MIPEP: variants seen among roughly 807,000 people sequenced by gnomAD.
MIPEP encodes the protein mitochondrial intermediate peptidase.
In MIPEP, 79 loss-of-function variants were observed where a neutral mutation model predicts 90.3. That is an observed-to-expected ratio of 0.87 (90% CI 0.73 to 1.05). MIPEP has a LOEUF of 1.05. Ranked by LOEUF, MIPEP falls within the 50% of genes least tolerant of loss-of-function variation. The pLI, the probability that MIPEP is intolerant of heterozygous loss-of-function variation, is 0.00. For missense variants in MIPEP, 940 were observed against 905.6 expected (o/e 1.04, Z -0.49); for synonymous variants, 334 against 315.8 (o/e 1.06, Z -0.61).
chr13:23,786,458 AAT>A (rs1221718570), intron 16 of MIPEP, among the ~76,000 whole-genome samples: 1 of 152,192 alleles, frequency 6.6e-6, no homozygotes, highest in Non-Finnish European at 1.5e-5. Context: ...AAACAACAAA[AAT>A]AAAATCTTTT....
At chr13:23,733,483 G>C (rs767456811) in intron 18 of MIPEP, among the ~76,000 whole-genome samples, 1 of 152,198 alleles carries the variant, frequency 6.6e-6, no homozygotes, top group Non-Finnish European at 1.5e-5. Context: ...AGGAGGAGCA[G>C]GGTGGTGTGG....
intron 4 of MIPEP, among the ~76,000 whole-genome samples, chr13:23,878,782 C>T (rs949362829): frequency 6.6e-6 from 1 of 152,172 alleles, no homozygotes; most frequent in Non-Finnish European, 1.5e-5. Flanking sequence ...GACATCCTCC[C>T]AGTAGATAAA....
intron 10 of MIPEP, among the ~76,000 whole-genome samples, chr13:23,845,884 A>G (rs1472090931): frequency 6.8e-6 from 1 of 147,688 alleles, no homozygotes; most frequent in Non-Finnish European, 1.5e-5. Context: ...TTTATAGTCT[A>G]TATTTTAGCT....
intron 16 of MIPEP, among the ~76,000 whole-genome samples, chr13:23,804,055 G>C (rs141385503): frequency 0.016 from 2,475 of 152,290 alleles, 63 homozygotes; most frequent in Admixed American, 0.066. Flanking sequence ...CACGGACTTA[G>C]CATCACCCTT....
chr13:23,834,252 A>T (rs1868917525), intron 14 of MIPEP, among the ~76,000 whole-genome samples: 2 of 152,146 alleles, frequency 1.3e-5, no homozygotes, highest in Admixed American at 6.5e-5. Flanking sequence ...TTCTTGAAGT[A>T]AAAATTTGAT....
chr13:23,762,715 G>A (rs1247460900), intron 16 of MIPEP, among the ~76,000 whole-genome samples: 1 of 152,188 alleles, frequency 6.6e-6, no homozygotes, highest in East Asian at 1.9e-4. Flanking sequence ...CTGGGCAGGG[G>A]CACTTGCACG....
chr13:23,866,761 TCA>T (rs1480564075), intron 7 of MIPEP, among the ~76,000 whole-genome samples: 19 of 152,168 alleles, frequency 1.2e-4, no homozygotes, highest in Admixed American at 1.2e-3. Flanking sequence ...TTTTAGAGGT[TCA>T]GACTTACATA....
intron 9 of MIPEP, among the ~76,000 whole-genome samples, chr13:23,860,790 CA>C (rs1440296765): frequency 8.5e-5 from 13 of 152,272 alleles, no homozygotes; most frequent in African/African-American, 2.9e-4. Context: ...GGAGCAAAAA[CA>C]AAAGGCTAGA....
chr13:23,826,935 A>G (rs1481257728), intron 14 of MIPEP, among the ~76,000 whole-genome samples: 4 of 152,244 alleles, frequency 2.6e-5, no homozygotes, highest in Admixed American at 6.5e-5. Context: ...TGTATCGAAC[A>G]TGTACAGACT....
chr13:23,789,722 C>A (rs1196673584), intron 16 of MIPEP, among the ~76,000 whole-genome samples: 1 of 152,188 alleles, frequency 6.6e-6, no homozygotes, highest in Non-Finnish European at 1.5e-5. Context: ...TTCTTGTTGA[C>A]CCTCAGTTTC....
At chr13:23,822,908 CAG>C (rs1953325047) in intron 14 of MIPEP, among the ~76,000 whole-genome samples, 1 of 150,338 alleles carries the variant, frequency 6.7e-6, no homozygotes, top group Non-Finnish European at 1.5e-5. Flanking sequence ...TTTTTTGAGA[CAG>C]AGTCTTGCTC....
intron 14 of MIPEP, among the ~76,000 whole-genome samples, chr13:23,834,122 G>A (rs961521771): frequency 6.6e-6 from 1 of 152,112 alleles, no homozygotes; most frequent in Non-Finnish European, 1.5e-5. Context: ...GAGAGGCCAC[G>A]CGCCCGGGAT....
intron 4 of MIPEP, among the ~76,000 whole-genome samples, chr13:23,877,171 A>C (rs1029597808): frequency 4.6e-5 from 7 of 152,212 alleles, no homozygotes; most frequent in Non-Finnish European, 8.8e-5. Flanking sequence ...TTTATTCTCT[A>C]TGACTTCAAA....
chr13:23,769,244 A>G (rs1195058705), intron 16 of MIPEP, among the ~76,000 whole-genome samples: 1 of 152,194 alleles, frequency 6.6e-6, no homozygotes, highest in African/African-American at 2.4e-5. Context: ...CCTCTGTAGG[A>G]ACAGGTACTG....
intron 14 of MIPEP, among the ~76,000 whole-genome samples, chr13:23,813,111 A>T (rs1953192854): frequency 6.6e-6 from 1 of 152,180 alleles, no homozygotes; most frequent in Non-Finnish European, 1.5e-5. Flanking sequence ...TTAAAACATA[A>T]CAAATTTGAA....
chr13:23,810,723 A>G (rs1234784911), intron 14 of MIPEP, among the ~76,000 whole-genome samples: 2 of 152,238 alleles, frequency 1.3e-5, no homozygotes, highest in Non-Finnish European at 2.9e-5. Flanking sequence ...CGTATAAATT[A>G]ACCACCTGTG....
intron 16 of MIPEP, among the ~76,000 whole-genome samples, chr13:23,795,299 C>A (rs1256220076): frequency 2.6e-5 from 4 of 152,120 alleles, no homozygotes; most frequent in African/African-American, 4.8e-5. Context: ...TTTAACCCGC[C>A]TGGGGCTCCA....
chr13:23,756,481 A>T, intron 18 of MIPEP, 64 bp downstream of exon 18: 1 of 1,530,404 alleles, frequency 6.5e-7, no homozygotes, highest in Non-Finnish European at 9.0e-7. Context: ...TAAATGAAAA[A>T]AACATATGGA....
At chr13:23,733,930 A>C (rs1300924652) in intron 18 of MIPEP, among the ~76,000 whole-genome samples, 1 of 152,246 alleles carries the variant, frequency 6.6e-6, no homozygotes, top group Non-Finnish European at 1.5e-5. Context: ...AATAATCTGC[A>C]TGCATGAATG....
Sources: gnomAD v4.1 joint callset for allele counts (sites outside exome capture counted in the v4.1 genomes callset) on GRCh38, gnomAD v4.1.1 for gene constraint, MANE v1.5 for transcripts, NCBI Gene and HGNC (gene_info 2026-07-23, HGNC 2026-07-21) for gene names.